TGFBR1: variants seen among roughly 807,000 people sequenced by gnomAD.
TGFBR1 encodes transforming growth factor beta receptor 1.
TGFBR1 carries 20 observed loss-of-function variants against 55.1 expected under a neutral mutation model. That is an observed-to-expected ratio of 0.36 (90% CI 0.26 to 0.53). The LOEUF (loss-of-function observed/expected upper bound fraction) is 0.53, where lower values mean the gene tolerates loss of function less well. Among genes scored for constraint, TGFBR1 ranks in the 20% least tolerant of loss-of-function variants. TGFBR1 has a pLI of 0.91. For synonymous variants in TGFBR1, 220 were observed against 214.8 expected, an observed-to-expected ratio of 1.02 and a Z score of -0.21; for missense variants, 385 against 617.6, an observed-to-expected ratio of 0.62 and a Z score of 3.99.
intron 7 of TGFBR1, among the ~76,000 whole-genome samples, chr9:99,147,247 C>T (rs1827822937): frequency 6.6e-6 from 1 of 152,074 alleles, no homozygotes. Flanking sequence ...GAGAAAGGGA[C>T]TTGGCACCTT....
At position 99,153,972 on chromosome 9, in the gene TGFBR1, C is replaced by G. The variant is rs1828040323; in HGVS notation, c.*4667C>G. ...CTCCTGGGGGTGAAAACTTGGCTTA[C>G]AAGAGAACTGGAAAAATGATGAGAT... On this transcript the variant is annotated 3_prime_UTR_variant, in exon 9 of 9. Transcript: ENST00000374994. 1 of 214,930 alleles carries G rather than the reference C, an allele frequency of 4.7e-6. No individual in the cohort carries two copies. Among genetic ancestry groups the G allele is most frequent in the African/African-American group, 2.3e-5 (1 of 44,272 alleles). 13.3% of individuals were successfully genotyped at this position (214,930 alleles called of 1,614,324 possible). A position where few individuals can be genotyped will look rare whatever the true frequency, so the allele number is the denominator to read the frequency against.
rs371046012 is a variant in TGFBR1, at chr9:99,130,315, G to T, written c.343+1215G>T. On this transcript the variant is annotated intron_variant, in intron 2 of 8. Transcript: ENST00000374994. ...GCACCTGGCTTCAGTGCTCAGAGGAGCAGACACAGTTGCTCACTCTCCACT... is the reference window on the plus strand; with the variant it reads ...GCACCTGGCTTCAGTGCTCAGAGGATCAGACACAGTTGCTCACTCTCCACT... Among the ~76,000 whole-genome samples the T allele has an allele frequency of 4.3e-4, 66 of 152,314 alleles. 1 individual carries two copies. The Middle Eastern group carries it at 0.01, about 24-fold the overall frequency.
At chr9:99,133,147 A>C (rs933635375) in intron 3 of TGFBR1, among the ~76,000 whole-genome samples, 1 of 152,252 alleles carries the variant, frequency 6.6e-6, no homozygotes, top group Non-Finnish European at 1.5e-5. Flanking sequence ...TGATGTTTAC[A>C]TTTGAAAACA....
chr9:99,136,115 A>G (rs962171767), intron 3 of TGFBR1, among the ~76,000 whole-genome samples: 1 of 152,180 alleles, frequency 6.6e-6, no homozygotes, highest in Non-Finnish European at 1.5e-5. Context: ...TCGGCCTCCT[A>G]AAGTGCTGGG....
intron 6 of TGFBR1, among the ~76,000 whole-genome samples, chr9:99,146,261 T>C (rs1230999758): frequency 6.6e-6 from 1 of 152,212 alleles, no homozygotes; most frequent in Non-Finnish European, 1.5e-5. Flanking sequence ...ACCAAGATCA[T>C]GAGGCAGATA....
chr9:99,151,387 T>G lies in TGFBR1; in HGVS notation c.*2082T>G, dbSNP rs112113922. 358 of 203,958 alleles carry G rather than the reference T, an allele frequency of 1.8e-3. 1 individual carries two copies. Among genetic ancestry groups the G allele is most frequent in the African/African-American group, 7.8e-3 (312 of 39,918 alleles). 12.6% of individuals were successfully genotyped at this position (203,958 alleles called of 1,614,324 possible). ...TGATCAGGTACTTTTTTTGTGGGGGTTTTTTTTTTGTTTTTTTTTTTTTGT... is the reference window on the plus strand; with the variant it reads ...TGATCAGGTACTTTTTTTGTGGGGGGTTTTTTTTTGTTTTTTTTTTTTTGT... On this transcript the variant is annotated 3_prime_UTR_variant, in exon 9 of 9. Coordinates refer to ENST00000374994, the MANE Select transcript of TGFBR1 (RefSeq NM_004612.4).
intron 7 of TGFBR1, among the ~76,000 whole-genome samples, chr9:99,146,840 A>T (rs891514273): frequency 6.6e-6 from 1 of 152,180 alleles, no homozygotes; most frequent in East Asian, 1.9e-4. Flanking sequence ...TTGAATCTGG[A>T]GACTCATCAG....
chr9:99,117,609 T>C (rs1439568488), intron 1 of TGFBR1, among the ~76,000 whole-genome samples: 1 of 152,180 alleles, frequency 6.6e-6, no homozygotes, highest in Non-Finnish European at 1.5e-5. Flanking sequence ...TGGTAAAACC[T>C]TTTTTCCCCC....
chr9:99,124,614 G>A (rs542204440), intron 1 of TGFBR1, among the ~76,000 whole-genome samples: 4 of 152,034 alleles, frequency 2.6e-5, no homozygotes, highest in Admixed American at 2.6e-4. Context: ...TCATGTTCAT[G>A]GAAAAAATTA....
intron 6 of TGFBR1, chr9:99,145,937 G>A (rs1049313344): frequency 6.0e-5 from 10 of 167,958 alleles, no homozygotes; most frequent in Admixed American, 1.7e-4. Flanking sequence ...AGACGAGATC[G>A]GGCGTGTTTA....
chr9:99,128,508 A>G (rs953110395), intron 1 of TGFBR1: 1 of 345,946 alleles, frequency 2.9e-6, no homozygotes, highest in Non-Finnish European at 5.5e-6. Context: ...AAGTATAACC[A>G]TTACAAATTT....
intron 4 of TGFBR1, among the ~76,000 whole-genome samples, chr9:99,139,761 T>C (rs1827553339): frequency 6.6e-6 from 1 of 152,254 alleles, no homozygotes; most frequent in Non-Finnish European, 1.5e-5. Context: ...ATTATGATTC[T>C]AAGTCCACAA....
chr9:99,103,980 G>C (rs935342779), upstream of TGFBR1: 15 of 152,124 alleles, frequency 9.9e-5, no homozygotes, highest in African/African-American at 3.6e-4. Context: ...CTCCTTAAAA[G>C]GTTCTGCGGA....
Position 99,137,879 on chromosome 9 carries a change from A to G in TGFBR1, c.595A>G (p.Arg199Gly). 6.2e-7 allele frequency: 1 copy of G among 1,613,864 alleles called. No individual in the cohort carries two copies. The highest frequency in any genetic ancestry group is 8.5e-7 in the Non-Finnish European group (1 of 1,179,778). The stretch of plus-strand genomic sequence containing the variant: ...TTTAGGTTTACCATTGCTTGTTCAG[A>G]GAACAATTGCGAGAACTATTGTGTT... ...SGSGLPLLVQ[R>G]TIARTIVLQE... is the part of the protein sequence containing the mutation. Residue 199 changes from arginine to glycine, a missense_variant, in exon 4 of 9, where the codon AGA becomes GGA. Coordinates refer to ENST00000374994, the MANE Select transcript of TGFBR1 (RefSeq NM_004612.4).
chr9:99,137,707 T>G (rs1827479411), intron 3 of TGFBR1, 152 bp from the exon 4 acceptor site: 1 of 624,222 alleles, frequency 1.6e-6, no homozygotes, highest in Non-Finnish European at 2.8e-6. Flanking sequence ...ATTAGTTATT[T>G]TATTGCAAAT....
chr9:99,153,890 A>C lies in TGFBR1; in HGVS notation c.*4585A>C, dbSNP rs1828038598. ...AGGGGTGTGGGTCTTCCATTGGGGC[A>C]TGATGGACCTGTCTACAGGTGATCT... is the stretch of plus-strand genomic sequence containing the variant. On this transcript the variant is annotated 3_prime_UTR_variant, in exon 9 of 9. Transcript: ENST00000374994. The C allele has an allele frequency of 4.7e-6, 1 of 213,444 alleles. No individual in the cohort carries two copies. Among genetic ancestry groups the C allele is most frequent in the Non-Finnish European group, 9.5e-6 (1 of 105,460 alleles). The allele number at this position is 213,444 out of a possible 1,614,324, so 13.2% of individuals were successfully genotyped here.
intron 4 of TGFBR1, among the ~76,000 whole-genome samples, chr9:99,140,232 C>T (rs538271716): frequency 2.0e-5 from 3 of 152,084 alleles, no homozygotes; most frequent in South Asian, 2.1e-4. Context: ...GGGTGGATCA[C>T]GAGGTCAAGA....
chr9:99,144,034 T>C (rs138291835), intron 5 of TGFBR1, among the ~76,000 whole-genome samples: 4 of 152,368 alleles, frequency 2.6e-5, no homozygotes, highest in Non-Finnish European at 4.4e-5. Context: ...GCATATGTCA[T>C]ATATCCGTTC....
At chr9:99,131,968 C>CAA (rs796838252) in intron 2 of TGFBR1, among the ~76,000 whole-genome samples, 1 of 106,474 alleles carries the variant, frequency 9.4e-6, no homozygotes. Context: ...AAATCCATCT[C>CAA]AAAAAAAAAA....
Sources: gnomAD v4.1 joint callset for allele counts (sites outside exome capture counted in the v4.1 genomes callset) on GRCh38, gnomAD v4.1.1 for gene constraint, MANE v1.5 for transcripts, NCBI Gene and HGNC (gene_info 2026-07-23, HGNC 2026-07-21) for gene names.